The following PPP1R36 variants were observed in gnomAD, a reference collection of about 807,000 sequenced individuals.
The protein encoded by PPP1R36 is protein phosphatase 1 regulatory subunit 36, also known as chromosome 14 open reading frame 50.
A neutral mutation model predicts 53.4 loss-of-function variants in PPP1R36; 47 were observed. The observed-to-expected ratio is 0.88, with a 90% CI of 0.70 to 1.12. The LOEUF is 1.12. PPP1R36 is among the 50% of genes most tolerant of loss of function. PPP1R36 has a pLI of 0.00. For synonymous variants in PPP1R36, 153 were observed against 170.5 expected, an observed-to-expected ratio of 0.90 and a Z score of 0.80; for missense variants, 456 against 513.9, an observed-to-expected ratio of 0.89 and a Z score of 1.09.
intron 6 of PPP1R36, among the ~76,000 whole-genome samples, chr14:64,566,805 G>A (rs2080261560): frequency 6.6e-6 from 1 of 152,210 alleles, no homozygotes; most frequent in Non-Finnish European, 1.5e-5. Flanking sequence ...CAGCCTGACT[G>A]CAGGGCAAGT....
In PPP1R36 at chr14:64,552,744, T is replaced by C; in HGVS notation, c.135-70T>C. The C allele has an allele frequency of 2.5e-6, 3 of 1,214,660 alleles. No individual in the cohort carries two copies. The South Asian group carries it at 3.8e-5, about 15-fold the overall frequency. 75.2% of individuals were successfully genotyped at this position (1,214,660 alleles called of 1,614,324 possible). ...GTCAAAATCAAAAGTTTACATTTTA[T>C]AGAATATGTATTTCAGTATTTCTGA... On this transcript the variant is annotated intron_variant, in intron 2 of 11. Transcript: ENST00000298705.
chr14:64,577,205 TCA>T, intron 8 of PPP1R36, among the ~76,000 whole-genome samples: 1 of 152,214 alleles, frequency 6.6e-6, no homozygotes, highest in Middle Eastern at 3.4e-3. Flanking sequence ...GAACACTAAT[TCA>T]CACAATGCAT....
chr14:64,586,774 G>T (rs1384342442), intron 8 of PPP1R36, 63 bp from the exon 9 acceptor site: 1 of 1,144,920 alleles, frequency 8.7e-7, no homozygotes, highest in African/African-American at 1.5e-5. Context: ...GAAAGATAAG[G>T]ACTAGTACCC....
intron 8 of PPP1R36, 97 bp downstream of exon 8, chr14:64,574,686 T>A: frequency 7.4e-7 from 1 of 1,347,510 alleles, no homozygotes; most frequent in Non-Finnish European, 1.0e-6. Context: ...GAGAAAATGT[T>A]CCTTTTTCTG....
rs752989677 is a variant in PPP1R36 at position 64,561,891 on chromosome 14, G to A, written c.183-2860G>A. On this transcript the variant is annotated intron_variant, in intron 3 of 11. Transcript: ENST00000298705. ...AAAACCAAGGAAACCCTACTCTTTC[G>A]TCATGGCCTGAGAGAAGACTCTCTG... 1.1e-4 allele frequency: 52 copies of A among 452,978 alleles called. 1 individual carries two copies. Among genetic ancestry groups the A allele is most frequent in the African/African-American group, 2.0e-4 (10 of 49,984 alleles). The allele number at this position is 452,978 out of a possible 1,614,324, so 28.1% of individuals were successfully genotyped here. A position where few individuals can be genotyped will look rare whatever the true frequency, so the allele number is the denominator to read the frequency against.
intron 8 of PPP1R36, chr14:64,586,157 C>CT (rs2080432047): frequency 6.6e-6 from 1 of 152,174 alleles, no homozygotes; most frequent in Non-Finnish European, 1.5e-5. Flanking sequence ...ACTTTTAGTA[C>CT]TTTAACAGCG....
chr14:64,560,133 A>G lies in PPP1R36; in HGVS notation c.183-4618A>G, dbSNP rs1399053217. On this transcript the variant is annotated intron_variant, in intron 3 of 11. Transcript: ENST00000298705. ...AAAAAAAAAAAAAAAAAAAAAAAAA[A>G]GAACCGCATCTTAGAAAAGTGGCTG... Among the ~76,000 whole-genome samples the G allele has an allele frequency of 6.2e-5, 9 of 144,812 alleles. No homozygotes were observed. The East Asian group carries it at 1.8e-3, about 29-fold the overall frequency.
At chr14:64,564,048 GT>G (rs2080229404) in intron 3 of PPP1R36, among the ~76,000 whole-genome samples, 1 of 152,198 alleles carries the variant, frequency 6.6e-6, no homozygotes, top group Non-Finnish European at 1.5e-5. Flanking sequence ...GTATAGATTT[GT>G]TTGTTGTTTA....
chr14:64,550,862 G>C (rs1306593879), intron 1 of PPP1R36, 59 bp from the exon 2 acceptor site: 1 of 1,216,540 alleles, frequency 8.2e-7, no homozygotes, highest in Non-Finnish European at 1.2e-6. Context: ...GTTTATTGTG[G>C]CATATGGATT....
chr14:64,567,873 C>T (rs944868799), intron 6 of PPP1R36, among the ~76,000 whole-genome samples: 2 of 152,000 alleles, frequency 1.3e-5, no homozygotes, highest in East Asian at 1.9e-4. Flanking sequence ...AGGCTGGTCT[C>T]GAACTCCTGA....
intron 1 of PPP1R36, chr14:64,550,371 C>A: frequency 1.0e-6 from 1 of 955,066 alleles, no homozygotes; most frequent in Non-Finnish European, 1.4e-6. Context: ...GGGAAGCAGC[C>A]CCGCTCTGGA....
chr14:64,554,721 T>G (rs2080133638), intron 3 of PPP1R36, among the ~76,000 whole-genome samples: 1 of 151,994 alleles, frequency 6.6e-6, no homozygotes, highest in Non-Finnish European at 1.5e-5. Context: ...AGGGCGAGAT[T>G]AGAACTAGCC....
chr14:64,586,739 C>A, intron 8 of PPP1R36, 98 bp from the exon 9 acceptor site: 1 of 757,888 alleles, frequency 1.3e-6, no homozygotes, highest in East Asian at 2.6e-5. Flanking sequence ...AATCTTGGGG[C>A]CAAGATAATG....
At chr14:64,554,813 A>C (rs936725408) in intron 3 of PPP1R36, among the ~76,000 whole-genome samples, 1 of 152,132 alleles carries the variant, frequency 6.6e-6, no homozygotes, top group African/African-American at 2.4e-5. Context: ...AAAGATAAGC[A>C]GGGGTGGGGA....
intron 6 of PPP1R36, among the ~76,000 whole-genome samples, chr14:64,566,123 C>T (rs2080253043): frequency 6.6e-6 from 1 of 152,110 alleles, no homozygotes; most frequent in South Asian, 2.1e-4. Context: ...CAAAAATTAG[C>T]TGGGCGTGGT....
At chr14:64,579,406 T>C (rs2080368567) in intron 8 of PPP1R36, among the ~76,000 whole-genome samples, 1 of 152,186 alleles carries the variant, frequency 6.6e-6, no homozygotes, top group African/African-American at 2.4e-5. Context: ...TGTTTCAGCA[T>C]CAAAAATACC....
chr14:64,578,495 T>G (rs2080360965), intron 8 of PPP1R36, among the ~76,000 whole-genome samples: 1 of 152,212 alleles, frequency 6.6e-6, no homozygotes. Flanking sequence ...CAGTGTGTAC[T>G]GGGGACTCTA....
In PPP1R36 at chr14:64,550,029, G is replaced by A. The variant is rs1170555493; in HGVS notation, c.32G>A (p.Arg11Lys). ...CGGGTGCCCGAGTTTTATGCGAGGAGGAAGCGGTTAGGTGGGCAGACCCCT... is the reference window on the plus strand; with the variant it reads ...CGGGTGCCCGAGTTTTATGCGAGGAAGAAGCGGTTAGGTGGGCAGACCCCT... MYRVPEFYAR[R>K]KRLGGQTPYL... The change falls in exon 1 of 12, where the codon AGG becomes AAG. Residue 11 changes from arginine (R) to lysine (K), a missense_variant. Physicochemically the swap from Arg to Lys is conservative, Grantham distance 26. Coordinates refer to ENST00000298705, the MANE Select transcript of PPP1R36 (RefSeq NM_172365.3). 1 of 1,575,028 alleles carries A rather than the reference G, an allele frequency of 6.3e-7. No homozygotes were observed. Among genetic ancestry groups the A allele is most frequent in the East Asian group, 2.3e-5 (1 of 42,680 alleles).
chr14:64,589,114 C>T, intron 11 of PPP1R36, 38 bp from the exon 12 acceptor site: 1 of 1,531,790 alleles, frequency 6.5e-7, no homozygotes, highest in Non-Finnish European at 9.0e-7. Flanking sequence ...CAGTCTTTGG[C>T]CTCATCACTT....
Sources: allele counts gnomAD v4.1 joint callset (sites outside exome capture counted in the v4.1 genomes callset), GRCh38; gene constraint gnomAD v4.1.1; transcripts MANE v1.5; gene names NCBI Gene and HGNC (gene_info 2026-07-23, HGNC 2026-07-21).